The following UBAC2 variants were observed in gnomAD, a reference collection of about 807,000 sequenced individuals.
The protein encoded by UBAC2 is UBA domain containing 2.
Under a neutral mutation model 44.0 loss-of-function variants are expected in UBAC2, and 26 were observed. That is an observed-to-expected ratio of 0.59 (90% CI 0.43 to 0.82). UBAC2 has a LOEUF of 0.82. UBAC2 is among the 40% of genes least tolerant of loss of function. UBAC2 has a pLI of 0.00. For missense variants in UBAC2, 329 were observed against 419.4 expected (o/e 0.78, Z 1.88); for synonymous variants, 155 against 154.3 (o/e 1.00, Z -0.04).
At chr13:99,356,172 A>G (rs756182912) in intron 7 of UBAC2, 1 of 534,752 alleles carries the variant, frequency 1.9e-6, no homozygotes. Context: ...GTTGGGTTGC[A>G]TCCTAAGCTG....
intron 4 of UBAC2, among the ~76,000 whole-genome samples, chr13:99,297,321 C>G (rs972261219): frequency 6.6e-6 from 1 of 152,008 alleles, no homozygotes; most frequent in Non-Finnish European, 1.5e-5. Flanking sequence ...TAAATCTCAC[C>G]TGGAAGTCAC....
At chr13:99,317,467 G>C (rs764092943) in intron 5 of UBAC2, among the ~76,000 whole-genome samples, 2 of 152,104 alleles carry the variant, frequency 1.3e-5, no homozygotes, top group Admixed American at 6.5e-5. Flanking sequence ...ACTTTGTTCT[G>C]TTATTTAGTT....
At chr13:99,376,700 G>C (rs751096163) in intron 8 of UBAC2, among the ~76,000 whole-genome samples, 1 of 152,182 alleles carries the variant, frequency 6.6e-6, no homozygotes, top group Non-Finnish European at 1.5e-5. Flanking sequence ...AACTAGAGCT[G>C]GCTTCTCAAT....
intron 7 of UBAC2, among the ~76,000 whole-genome samples, chr13:99,362,944 G>GTTT (rs1412077352): frequency 6.6e-6 from 1 of 152,094 alleles, no homozygotes; most frequent in Non-Finnish European, 1.5e-5. Flanking sequence ...TCGTATTTCT[G>GTTT]TTTTAGATAT....
At chr13:99,205,939 G>C (rs2042866829) in intron 1 of UBAC2, 1 of 154,254 alleles carries the variant, frequency 6.5e-6, no homozygotes, top group South Asian at 2.1e-4. Context: ...CTCCAAACAA[G>C]CTCTCAAGAT....
chr13:99,243,944 A>G lies in UBAC2; in HGVS notation c.272A>G (p.Lys91Arg), dbSNP rs1454490124. 2 of 1,530,902 alleles carry G rather than the reference A, an allele frequency of 1.3e-6. No individual in the cohort carries two copies. The highest frequency in any genetic ancestry group is 1.8e-6 in the Non-Finnish European group (2 of 1,140,590). 94.8% of individuals were successfully genotyped at this position (1,530,902 alleles called of 1,614,324 possible). Residue 91 changes from lysine to arginine, a missense_variant, in exon 3 of 9, where the codon AAA becomes AGA. Coordinates refer to ENST00000403766, the MANE Select transcript of UBAC2 (RefSeq NM_001144072.2). ...RIFERRYGSR[K>R]FASFLLGSWV... ...TTTGAAAGAAGATATGGAAGCAGAA[A>G]ATTTGCAGTAAGTTTTTATGTATTT...
At chr13:99,216,031 G>A (rs999380277) in intron 1 of UBAC2, among the ~76,000 whole-genome samples, 10 of 151,864 alleles carry the variant, frequency 6.6e-5, no homozygotes, top group African/African-American at 2.4e-4. Context: ...AAGTAATTGC[G>A]GTTTTTGCCA....
At chr13:99,318,821 C>CAAA (rs397851352) in intron 6 of UBAC2, among the ~76,000 whole-genome samples, 20 of 69,864 alleles carry the variant, frequency 2.9e-4, no homozygotes, top group African/African-American at 9.5e-4. Context: ...GACTCCATCT[C>CAAA]AAAAAAAAAA....
At chr13:99,218,723 C>A (rs1430820335) in intron 1 of UBAC2, among the ~76,000 whole-genome samples, 1 of 152,058 alleles carries the variant, frequency 6.6e-6, no homozygotes, top group African/African-American at 2.4e-5. Context: ...TGGATGGCTT[C>A]CAGTGTTTTA....
At chr13:99,211,234 C>T (rs780605500) in intron 1 of UBAC2, among the ~76,000 whole-genome samples, 7 of 152,164 alleles carry the variant, frequency 4.6e-5, no homozygotes, top group South Asian at 2.1e-4. Flanking sequence ...AGTCTTTTCA[C>T]GCTCAGAAAA....
intron 6 of UBAC2, among the ~76,000 whole-genome samples, chr13:99,323,351 A>C (rs2044594660): frequency 6.6e-6 from 1 of 152,214 alleles, no homozygotes; most frequent in South Asian, 2.1e-4. Context: ...CTGGAATCCC[A>C]GCACTTTGGG....
At chr13:99,215,806 A>C in intron 1 of UBAC2, 2 of 684,988 alleles carry the variant, frequency 2.9e-6, no homozygotes, top group Non-Finnish European at 4.9e-6. Flanking sequence ...GGCTAATCAG[A>C]CCCGTGGTGA....
At chr13:99,239,127 A>G (rs1244503345) in intron 2 of UBAC2, among the ~76,000 whole-genome samples, 1 of 152,162 alleles carries the variant, frequency 6.6e-6, no homozygotes, top group Non-Finnish European at 1.5e-5. Context: ...TATGACTGCT[A>G]CCCTTTCTTT....
rs773963673 is a variant in UBAC2, at chr13:99,255,116, C to T, written c.389+10492C>T. 1.3e-5 allele frequency: 21 copies of T among 1,613,946 alleles called. 1 individual carries two copies. In the South Asian group the frequency reaches 2.1e-4, roughly 16 times the overall value. On this transcript the variant is annotated intron_variant, in intron 4 of 8. Coordinates refer to ENST00000403766, the MANE Select transcript of UBAC2 (RefSeq NM_001144072.2). ...TCCCCCGTTCCCAGCATCAGGAAAGCGAAACAGATGTGGAAGGGCATAAAG... is the reference window on the plus strand; with the variant it reads ...TCCCCCGTTCCCAGCATCAGGAAAGTGAAACAGATGTGGAAGGGCATAAAG...
intron 4 of UBAC2, among the ~76,000 whole-genome samples, chr13:99,276,097 G>A (rs1328778732): frequency 6.6e-6 from 1 of 152,122 alleles, no homozygotes; most frequent in Non-Finnish European, 1.5e-5. Context: ...AAGACCTTCC[G>A]TTTTTCTGCT....
chr13:99,253,654 C>T (rs574262241), intron 4 of UBAC2, among the ~76,000 whole-genome samples: 2 of 152,244 alleles, frequency 1.3e-5, no homozygotes, highest in South Asian at 2.1e-4. Context: ...GCTGGGATTA[C>T]AGGAACCTGC....
chr13:99,307,156 AACTAACT>A (rs2044348652), intron 4 of UBAC2, among the ~76,000 whole-genome samples: 1 of 152,200 alleles, frequency 6.6e-6, no homozygotes, highest in Admixed American at 6.5e-5. Context: ...ACTTTATAAG[AACTAACT>A]AGACCTACCA....
intron 6 of UBAC2, among the ~76,000 whole-genome samples, chr13:99,337,006 C>T (rs1215360173): frequency 1.3e-5 from 2 of 151,850 alleles, no homozygotes; most frequent in Non-Finnish European, 2.9e-5. Flanking sequence ...CACACATAGT[C>T]ATCATCTTTG....
At chr13:99,263,825 C>T (rs2043703316) in intron 4 of UBAC2, among the ~76,000 whole-genome samples, 1 of 151,996 alleles carries the variant, frequency 6.6e-6, no homozygotes, top group Admixed American at 6.6e-5. Context: ...ATACACAGGG[C>T]AGATAGAACA....
Sources: allele counts gnomAD v4.1 joint callset (sites outside exome capture counted in the v4.1 genomes callset), GRCh38; gene constraint gnomAD v4.1.1; transcripts MANE v1.5; gene names NCBI Gene and HGNC (gene_info 2026-07-23, HGNC 2026-07-21).